The following COMMD1 variants were observed in gnomAD, a reference collection of about 807,000 sequenced individuals.
COMMD1 encodes COMM domain-containing protein 1.
In COMMD1, 10 loss-of-function variants were observed where a neutral mutation model predicts 17.2. That is an observed-to-expected ratio of 0.58 (90% CI 0.36 to 0.99). The LOEUF is 0.99. Among genes scored for constraint, COMMD1 ranks in the 50% least tolerant of loss-of-function variants. COMMD1 has a pLI of 0.01. For missense variants in COMMD1, 270 were observed against 231.8 expected (o/e 1.17, Z -1.07); for synonymous variants, 97 against 91.6 (o/e 1.06, Z -0.34).
chr2:62,035,044 A>G (rs1479402881), intron 2 of COMMD1, among the ~76,000 whole-genome samples: 1 of 152,198 alleles, frequency 6.6e-6, no homozygotes, highest in Non-Finnish European at 1.5e-5. Flanking sequence ...GAAGTTTGGG[A>G]TATGATTTCA....
At chr2:62,120,650 A>G (rs1015670680) in intron 2 of COMMD1, among the ~76,000 whole-genome samples, 1 of 152,262 alleles carries the variant, frequency 6.6e-6, no homozygotes, top group East Asian at 1.9e-4. Context: ...ACATCAAGCC[A>G]GAACACCTAA....
chr2:61,971,195 G>A (rs546181014), intron 1 of COMMD1, among the ~76,000 whole-genome samples: 2 of 152,186 alleles, frequency 1.3e-5, no homozygotes, highest in Non-Finnish European at 2.9e-5. Flanking sequence ...TTACTTCTGC[G>A]CAGAGGGGTG....
chr2:61,913,715 G>T (rs942210899), intron 1 of COMMD1, among the ~76,000 whole-genome samples: 1 of 145,622 alleles, frequency 6.9e-6, no homozygotes, highest in Non-Finnish European at 1.5e-5. Flanking sequence ...AGAATGGCAT[G>T]AACCCGGGAG....
chr2:61,947,171 G>A (rs755478086), intron 1 of COMMD1, among the ~76,000 whole-genome samples: 1 of 151,938 alleles, frequency 6.6e-6, no homozygotes, highest in Non-Finnish European at 1.5e-5. Flanking sequence ...AATATCTTTA[G>A]TTTCTCTATA....
intron 2 of COMMD1, among the ~76,000 whole-genome samples, chr2:62,097,540 T>C (rs1672045835): frequency 6.6e-6 from 1 of 152,220 alleles, no homozygotes; most frequent in Non-Finnish European, 1.5e-5. Flanking sequence ...ATCTCCCAAG[T>C]TGAGAATCAT....
chr2:61,974,459 G>T (rs988825366), intron 1 of COMMD1, among the ~76,000 whole-genome samples: 2 of 151,654 alleles, frequency 1.3e-5, no homozygotes, highest in African/African-American at 2.4e-5. Flanking sequence ...GGATCACTAG[G>T]TCAGGAGTTC....
intron 1 of COMMD1, among the ~76,000 whole-genome samples, chr2:61,982,273 C>T (rs866916157): frequency 3.3e-5 from 5 of 152,130 alleles, no homozygotes; most frequent in African/African-American, 1.2e-4. Flanking sequence ...GGATTACTTT[C>T]TTGATTTCTT....
intron 2 of COMMD1, among the ~76,000 whole-genome samples, chr2:62,004,176 C>T (rs1573057402): frequency 6.6e-6 from 1 of 152,172 alleles, no homozygotes; most frequent in African/African-American, 2.4e-5. Context: ...TGATTGTATA[C>T]ATATGTCAAA....
At chr2:61,891,014 T>G (rs1669417362) in intron 1 of COMMD1, among the ~76,000 whole-genome samples, 1 of 152,170 alleles carries the variant, frequency 6.6e-6, no homozygotes, top group Non-Finnish European at 1.5e-5. Flanking sequence ...GCATTAATTT[T>G]GGGATGTAAA....
intron 2 of COMMD1, among the ~76,000 whole-genome samples, chr2:62,055,658 T>C (rs2103927415): frequency 6.6e-6 from 1 of 152,354 alleles, no homozygotes; most frequent in African/African-American, 2.4e-5. Context: ...GTGTCTGCAT[T>C]GAGAGCATCA....
At chr2:62,130,168 AAC>A (rs1383899414) in intron 2 of COMMD1, among the ~76,000 whole-genome samples, 3 of 151,226 alleles carry the variant, frequency 2.0e-5, no homozygotes, top group African/African-American at 7.3e-5. Context: ...AAAAAAAAAA[AAC>A]AAACAAAAAA....
chr2:61,936,871 G>A (rs868551575), intron 1 of COMMD1, among the ~76,000 whole-genome samples: 15 of 152,164 alleles, frequency 9.9e-5, no homozygotes, highest in Admixed American at 4.6e-4. Flanking sequence ...ATAATCTCAG[G>A]AGGTCCTGAT....
intron 2 of COMMD1, among the ~76,000 whole-genome samples, chr2:62,128,578 C>T (rs771255426): frequency 2.3e-4 from 35 of 152,232 alleles, no homozygotes; most frequent in Non-Finnish European, 3.5e-4. Context: ...TCTTCCTCCT[C>T]CTTCTCCTAC....
intron 2 of COMMD1, among the ~76,000 whole-genome samples, chr2:62,010,034 T>C (rs1031960251): frequency 1.3e-5 from 2 of 152,188 alleles, no homozygotes; most frequent in Non-Finnish European, 2.9e-5. Context: ...TACATAAGGA[T>C]TATAATAAGT....
At chr2:62,113,190 TA>T (rs532292925) in intron 2 of COMMD1, among the ~76,000 whole-genome samples, 8,225 of 145,514 alleles carry the variant, frequency 0.057, 669 homozygotes, top group African/African-American at 0.18. Flanking sequence ...ACAAAAAAAT[TA>T]AAAAAAAAAA....
chr2:62,051,612 A>G (rs951258665), intron 2 of COMMD1, among the ~76,000 whole-genome samples: 1 of 152,118 alleles, frequency 6.6e-6, no homozygotes, highest in Non-Finnish European at 1.5e-5. Context: ...CCCATTGGTT[A>G]GTTAGCCCTG....
Position 61,907,549 on chromosome 2 carries a change from G to A in COMMD1, c.180+1691G>A, listed in dbSNP as rs553003242. Among the ~76,000 whole-genome samples, 5 of 152,206 alleles carry A rather than the reference G, an allele frequency of 3.3e-5. No homozygotes were observed. In the South Asian group the frequency reaches 8.3e-4, roughly 25 times the overall value. On this transcript the variant is annotated intron_variant, in intron 1 of 2. Transcript: ENST00000311832. ...TTCTGCAGGCTAAGAAGAGACAACAGCACATGTGTAGGTAATGCTTTAGAA... is the reference window on the plus strand; with the variant it reads ...TTCTGCAGGCTAAGAAGAGACAACAACACATGTGTAGGTAATGCTTTAGAA...
At chr2:61,926,839 C>G (rs1670340321) in intron 1 of COMMD1, among the ~76,000 whole-genome samples, 1 of 152,074 alleles carries the variant, frequency 6.6e-6, no homozygotes, top group Non-Finnish European at 1.5e-5. Context: ...CCAAAGTTCA[C>G]AAAACCTCCT....
upstream of COMMD1, among the ~76,000 whole-genome samples, chr2:61,903,811 G>T (rs912090044): frequency 4.6e-4 from 70 of 152,140 alleles, no homozygotes; most frequent in African/African-American, 1.7e-3. Context: ...CAAAGTGCTG[G>T]GGTTACAGGC....
Sources: allele counts gnomAD v4.1 joint callset (sites outside exome capture counted in the v4.1 genomes callset), GRCh38; gene constraint gnomAD v4.1.1; transcripts MANE v1.5; gene names NCBI Gene and HGNC (gene_info 2026-07-23, HGNC 2026-07-21).